Variants in SLC1A1 observed in about 807,000 individuals in gnomAD.
SLC1A1 encodes the protein excitatory amino acid transporter 3.
A neutral mutation model predicts 53.3 loss-of-function variants in SLC1A1; 43 were observed. The ratio of observed to expected loss-of-function variants is 0.81; its 90% CI spans 0.63 to 1.04. The LOEUF is 1.04. Among genes scored for constraint, SLC1A1 ranks in the 50% least tolerant of loss-of-function variants. The pLI is 0.00. For missense variants in SLC1A1, 748 were observed against 664.9 expected (o/e 1.12, Z -1.37); for synonymous variants, 307 against 243.2 (o/e 1.26, Z -2.44).
rs373604899 is a variant in SLC1A1, at chr9:4,583,853, T to TTC, written c.1328+710_1328+711dup. 0.085 allele frequency among the ~76,000 whole-genome samples: 11,545 copies of TTC among 136,624 alleles called. 833 individuals are homozygous for TTC. Among genetic ancestry groups the TTC allele is most frequent in the East Asian group, 0.38 (1,730 of 4,518 alleles). 89.6% of individuals were successfully genotyped at this position (136,624 alleles called of 152,430 possible). On this transcript the variant is annotated intron_variant, in intron 11 of 11. Coordinates refer to ENST00000262352, the MANE Select transcript of SLC1A1 (RefSeq NM_004170.6). This position sits in a 1 kb window ranked among gnomAD's most constrained non-coding sequence, Gnocchi z 4.6. ...CCATTCAGGCCCCAATCAACAACAC[T>TTC]TCTCTCTCTCTCTCTCTCTCTCTCT...
chr9:4,531,670 G>T (rs574235305), intron 1 of SLC1A1, among the ~76,000 whole-genome samples: 39 of 152,310 alleles, frequency 2.6e-4, no homozygotes, highest in African/African-American at 9.1e-4. Context: ...ATCCTCTGCA[G>T]ACTTAAATGT....
rs374679151 is a variant in SLC1A1 at position 4,576,552 on chromosome 9, C to G, written c.999-17C>G. ...AGCATTTCTAGACATAAGTTCCTTT[C>G]TATTTTTATCACACAGTTCAGCAAC... On this transcript the variant is annotated splice_polypyrimidine_tract_variant and intron_variant, in intron 9 of 11. Coordinates refer to ENST00000262352, the MANE Select transcript of SLC1A1 (RefSeq NM_004170.6). 7 of 1,610,208 alleles carry G rather than the reference C, an allele frequency of 4.3e-6. No homozygotes were observed. The African/African-American group carries it at 8.0e-5, about 18-fold the overall frequency.
At chr9:4,558,637 T>G (rs1377024914) in intron 2 of SLC1A1, among the ~76,000 whole-genome samples, 1 of 152,206 alleles carries the variant, frequency 6.6e-6, no homozygotes, top group Non-Finnish European at 1.5e-5. Flanking sequence ...GCCAAATCAT[T>G]AAGACAAATT....
At chr9:4,576,516 G>C in intron 9 of SLC1A1, 53 bp from the exon 10 acceptor site, 3 of 1,459,672 alleles carry the variant, frequency 2.1e-6, no homozygotes, top group Admixed American at 1.7e-5. Context: ...TTCAGGCAGG[G>C]ACTAAGGTCC....
At chr9:4,519,354 C>T (rs1458330454) in intron 1 of SLC1A1, among the ~76,000 whole-genome samples, 3 of 152,170 alleles carry the variant, frequency 2.0e-5, no homozygotes, top group Non-Finnish European at 4.4e-5. Flanking sequence ...CCAACATTCT[C>T]GAGATACCCT....
In SLC1A1 at chr9:4,582,514, T is replaced by A. The variant is rs188906346; in HGVS notation, c.1194-524T>A. ...CCTTCACCTGAAATGCCCTTGCCCA[T>A]CTGCCCCTACAACTATCCTTCTGTC... On this transcript the variant is annotated intron_variant, in intron 10 of 11. Coordinates refer to ENST00000262352, the MANE Select transcript of SLC1A1 (RefSeq NM_004170.6). Among the ~76,000 whole-genome samples the A allele has an allele frequency of 1.3e-3, 201 of 152,340 alleles. 6 individuals carry two copies. The highest frequency in any genetic ancestry group is 0.013 in the Admixed American group (199 of 15,306).
chr9:4,496,055 C>A (rs1420786781), intron 1 of SLC1A1, among the ~76,000 whole-genome samples: 2 of 151,874 alleles, frequency 1.3e-5, no homozygotes, highest in African/African-American at 4.8e-5. Flanking sequence ...ATGTCAGGGA[C>A]CTGGTTAAGG....
chr9:4,575,978 T>G (rs1357866898), intron 8 of SLC1A1, 23 bp from the exon 9 acceptor site: 2 of 1,613,152 alleles, frequency 1.2e-6, no homozygotes, highest in South Asian at 1.1e-5. Context: ...TTTGAAACTT[T>G]AATTTCTCTT....
intron 1 of SLC1A1, among the ~76,000 whole-genome samples, chr9:4,529,001 A>C (rs1020779921): frequency 6.6e-6 from 1 of 152,116 alleles, no homozygotes; most frequent in African/African-American, 2.4e-5. Context: ...CAAGAACCCC[A>C]GAACTTCACT....
intron 9 of SLC1A1, 134 bp downstream of exon 9, chr9:4,576,257 CT>C: frequency 2.3e-6 from 2 of 875,428 alleles, no homozygotes; most frequent in South Asian, 1.4e-5. Context: ...TTCTCGGCCC[CT>C]GGCCCTGAAC....
intron 10 of SLC1A1, among the ~76,000 whole-genome samples, chr9:4,579,387 C>T (rs901911942): frequency 6.6e-6 from 1 of 152,190 alleles, no homozygotes; most frequent in Non-Finnish European, 1.5e-5. Context: ...AACTGATTTC[C>T]AAGGAGTGGT....
At chr9:4,518,539 T>A (rs1815947277) in intron 1 of SLC1A1, among the ~76,000 whole-genome samples, 1 of 152,120 alleles carries the variant, frequency 6.6e-6, no homozygotes, top group Admixed American at 6.5e-5. Flanking sequence ...GCCTACAGTA[T>A]GGTTTTTAAA....
chr9:4,568,224 A>G (rs1819669382), intron 6 of SLC1A1, among the ~76,000 whole-genome samples: 1 of 151,992 alleles, frequency 6.6e-6, no homozygotes, highest in Non-Finnish European at 1.5e-5. Context: ...GTTCCAGACC[A>G]GTCTGCGCAA....
intron 1 of SLC1A1, among the ~76,000 whole-genome samples, chr9:4,534,352 GATGCAATTAAAAAATGATAAAGGGGAT>G (rs1816593715): frequency 6.6e-6 from 1 of 152,078 alleles, no homozygotes; most frequent in Non-Finnish European, 1.5e-5. Flanking sequence ...GAATCAAACA[GATGCAATTAAAAAATGATAAAGGGGAT>G]ATCACCACTG....
chr9:4,498,637 A>G (rs1294959070), intron 1 of SLC1A1, among the ~76,000 whole-genome samples: 2 of 151,974 alleles, frequency 1.3e-5, no homozygotes, highest in Admixed American at 6.6e-5. Flanking sequence ...TGATGAAAAC[A>G]GACAAGGTTG....
intron 2 of SLC1A1, among the ~76,000 whole-genome samples, chr9:4,551,204 G>A (rs1817899907): frequency 6.6e-6 from 1 of 152,094 alleles, no homozygotes; most frequent in African/African-American, 2.4e-5. Context: ...AAATCTTTGG[G>A]GCTGAGGAAG....
chr9:4,548,195 G>A (rs757360219), intron 2 of SLC1A1, among the ~76,000 whole-genome samples: 8 of 152,042 alleles, frequency 5.3e-5, no homozygotes, highest in Non-Finnish European at 8.8e-5. Context: ...CCGGCTCAGT[G>A]CCACCTTTAC....
intron 1 of SLC1A1, among the ~76,000 whole-genome samples, chr9:4,522,054 C>CTT (rs574251219): frequency 2.1e-4 from 5 of 23,394 alleles, no homozygotes; most frequent in Non-Finnish European, 3.0e-4. Context: ...TTTTTTTTTT[C>CTT]TTTTTTTTTT....
At chr9:4,551,423 G>T (rs1817920351) in intron 2 of SLC1A1, among the ~76,000 whole-genome samples, 1 of 152,150 alleles carries the variant, frequency 6.6e-6, no homozygotes, top group African/African-American at 2.4e-5. Context: ...CACTCACATG[G>T]TCATGGAGCT....
Sources: allele counts gnomAD v4.1 joint callset (sites outside exome capture counted in the v4.1 genomes callset), GRCh38; gene constraint gnomAD v4.1.1; non-coding constraint Gnocchi (gnomAD v3.1); transcripts MANE v1.5; gene names NCBI Gene and HGNC (gene_info 2026-07-23, HGNC 2026-07-21).